KCND2: variants seen among roughly 807,000 people sequenced by gnomAD.
The protein encoded by KCND2 is potassium voltage-gated channel subfamily D member 2.
A neutral mutation model predicts 54.4 loss-of-function variants in KCND2; 16 were observed. The ratio of observed to expected loss-of-function variants is 0.29; its 90% CI spans 0.20 to 0.45. KCND2 has a LOEUF of 0.45. Ranked by LOEUF, KCND2 falls within the 20% of genes least tolerant of loss-of-function variation. KCND2 has a pLI of 1.00. For missense variants in KCND2, 486 were observed against 824.2 expected (o/e 0.59, Z 5.02); for synonymous variants, 317 against 310.7 (o/e 1.02, Z -0.21).
intron 1 of KCND2, among the ~76,000 whole-genome samples, chr7:120,425,135 G>A (rs897567379): frequency 6.6e-6 from 1 of 151,762 alleles, no homozygotes; most frequent in African/African-American, 2.4e-5. Context: ...CTCTCCTTAT[G>A]CTCTTCACTG....
intron 1 of KCND2, among the ~76,000 whole-genome samples, chr7:120,484,272 A>C (rs1046097007): frequency 2.0e-5 from 3 of 152,034 alleles, no homozygotes; most frequent in Non-Finnish European, 4.4e-5. Flanking sequence ...TTTTAGATTT[A>C]GGAAGGATTT....
chr7:120,387,401 A>T (rs1563029484), intron 1 of KCND2, among the ~76,000 whole-genome samples: 2 of 152,068 alleles, frequency 1.3e-5, no homozygotes, highest in Admixed American at 6.6e-5. Flanking sequence ...TACTGTTTTT[A>T]AAAAATAAAT....
intron 1 of KCND2, among the ~76,000 whole-genome samples, chr7:120,631,566 C>A (rs1050830527): frequency 6.6e-6 from 1 of 151,966 alleles, no homozygotes. Context: ...ATTGCATATT[C>A]TACTTGATGG....
At chr7:120,384,673 A>G (rs1800962719) in intron 1 of KCND2, among the ~76,000 whole-genome samples, 1 of 152,206 alleles carries the variant, frequency 6.6e-6, no homozygotes, top group South Asian at 2.1e-4. Flanking sequence ...CCCAGAAGAT[A>G]TCAAACAAAA....
chr7:120,565,387 CTG>C (rs1261512376), intron 1 of KCND2, among the ~76,000 whole-genome samples: 1 of 152,104 alleles, frequency 6.6e-6, no homozygotes, highest in African/African-American at 2.4e-5. Context: ...GGGAATGAAA[CTG>C]TTAGGGAAAA....
At chr7:120,313,811 C>T (rs1297195112) in intron 1 of KCND2, among the ~76,000 whole-genome samples, 2 of 140,506 alleles carry the variant, frequency 1.4e-5, no homozygotes, top group Admixed American at 1.6e-4. Context: ...TTTTTAGAAT[C>T]CTGTGATATT....
intron 1 of KCND2, among the ~76,000 whole-genome samples, chr7:120,285,808 A>G (rs912869358): frequency 4.6e-5 from 7 of 151,934 alleles, no homozygotes; most frequent in African/African-American, 1.7e-4. Context: ...TAAATATCCT[A>G]TTACAAAGAA....
intron 1 of KCND2, among the ~76,000 whole-genome samples, chr7:120,627,842 A>G (rs554577165): frequency 6.6e-6 from 1 of 152,070 alleles, no homozygotes; most frequent in South Asian, 2.1e-4. Flanking sequence ...TGGATTATAT[A>G]TAATATTAAA....
chr7:120,466,619 A>G (rs564059275), intron 1 of KCND2, among the ~76,000 whole-genome samples: 3 of 152,168 alleles, frequency 2.0e-5, no homozygotes, highest in South Asian at 2.1e-4. Flanking sequence ...GCTCATTTCT[A>G]TACCAAAATA....
At chr7:120,307,024 T>C (rs918880343) in intron 1 of KCND2, among the ~76,000 whole-genome samples, 1 of 152,070 alleles carries the variant, frequency 6.6e-6, no homozygotes, top group Non-Finnish European at 1.5e-5. Flanking sequence ...CTTAGGTCAC[T>C]CTAAGGTTTT....
intron 1 of KCND2, among the ~76,000 whole-genome samples, chr7:120,377,514 G>A (rs961557760): frequency 6.6e-6 from 1 of 151,220 alleles, no homozygotes; most frequent in Non-Finnish European, 1.5e-5. Flanking sequence ...GAATTTTTAA[G>A]TTTACTGATT....
intron 1 of KCND2, among the ~76,000 whole-genome samples, chr7:120,576,231 T>C (rs1158845133): frequency 6.6e-6 from 1 of 152,086 alleles, no homozygotes; most frequent in Non-Finnish European, 1.5e-5. Flanking sequence ...AGATGAAAAA[T>C]TTTTGAATGA....
chr7:120,321,679 T>A (rs868459673), intron 1 of KCND2, among the ~76,000 whole-genome samples: 1 of 152,128 alleles, frequency 6.6e-6, no homozygotes, highest in Non-Finnish European at 1.5e-5. Context: ...CAAGCAACAC[T>A]TTTTCTTCCA....
intron 1 of KCND2, among the ~76,000 whole-genome samples, chr7:120,554,456 T>G (rs1792137976): frequency 6.6e-6 from 1 of 152,190 alleles, no homozygotes; most frequent in Admixed American, 6.5e-5. Context: ...TAGCCCAGGC[T>G]GGAGTACAGT....
rs550376871 is a variant in KCND2 at position 120,539,538 on chromosome 7, C to T, written c.1116-193365C>T. Among the ~76,000 whole-genome samples, 6 of 152,218 alleles carry T rather than the reference C, an allele frequency of 3.9e-5. No individual in the cohort carries two copies. In the South Asian group the frequency reaches 1.2e-3, roughly 32 times the overall value. On this transcript the variant is annotated intron_variant, in intron 1 of 5. Transcript: ENST00000331113. ...GCTCTCCACGGCACTTGCTGGCGTC[C>T]CTCCTGGAATTGACAAGGTTATGAC...
chr7:120,284,728 A>G (rs1045289449), intron 1 of KCND2, among the ~76,000 whole-genome samples: 4 of 152,178 alleles, frequency 2.6e-5, no homozygotes, highest in Non-Finnish European at 5.9e-5. Flanking sequence ...TATAGGGTCT[A>G]GTTAGTGGAA....
intron 1 of KCND2, among the ~76,000 whole-genome samples, chr7:120,380,802 C>T (rs1033692755): frequency 6.6e-6 from 1 of 151,926 alleles, no homozygotes; most frequent in African/African-American, 2.4e-5. Flanking sequence ...TGCATTCTAC[C>T]CTATATACAT....
chr7:120,551,034 A>G (rs1049952421), intron 1 of KCND2, among the ~76,000 whole-genome samples: 2 of 152,158 alleles, frequency 1.3e-5, no homozygotes, highest in African/African-American at 4.8e-5. Context: ...GAACCAACCA[A>G]TTGGCATTAA....
At chr7:120,351,667 G>T (rs1184822638) in intron 1 of KCND2, among the ~76,000 whole-genome samples, 1 of 151,986 alleles carries the variant, frequency 6.6e-6, no homozygotes, top group African/African-American at 2.4e-5. Flanking sequence ...TGCCTTCATT[G>T]TGTGATTTGA....
Sources: allele counts gnomAD v4.1 joint callset (sites outside exome capture counted in the v4.1 genomes callset), GRCh38; gene constraint gnomAD v4.1.1; transcripts MANE v1.5; gene names NCBI Gene and HGNC (gene_info 2026-07-23, HGNC 2026-07-21).